The following ATF7 variants were observed in gnomAD, a reference collection of about 807,000 sequenced individuals.
The protein encoded by ATF7 is cyclic AMP-dependent transcription factor ATF-7.
Under a neutral mutation model 50.4 loss-of-function variants are expected in ATF7, and 10 were observed. The ratio of observed to expected loss-of-function variants is 0.20; its 90% CI spans 0.12 to 0.34. The LOEUF is 0.34. ATF7 is among the 10% of genes least tolerant of loss of function. ATF7 has a pLI of 1.00. For missense variants in ATF7, 465 were observed against 613.9 expected (o/e 0.76, Z 2.56); for synonymous variants, 201 against 226.4 (o/e 0.89, Z 1.01).
At chr12:53,550,682 T>C (rs1325238512) in intron 3 of ATF7, among the ~76,000 whole-genome samples, 1 of 152,180 alleles carries the variant, frequency 6.6e-6, no homozygotes, top group Non-Finnish European at 1.5e-5. Flanking sequence ...GTTCAGTCAT[T>C]GACATAAAGA....
chr12:53,514,690 A>G lies in ATF7; in HGVS notation c.*2447T>C, dbSNP rs1250823622. On this transcript the variant is annotated 3_prime_UTR_variant, in exon 12 of 12. Coordinates refer to ENST00000420353, the MANE Select transcript of ATF7 (RefSeq NM_006856.3). ...TCCCACTGATAAAAATGAAGTTAGG[A>G]CTAGATAATTAGTCATGGGGGCTAA... 6.6e-6 allele frequency: 1 copy of G among 152,116 alleles called. No homozygotes were observed. The highest frequency in any genetic ancestry group is 1.5e-5 in the Non-Finnish European group (1 of 68,012). 9.4% of individuals were successfully genotyped at this position (152,116 alleles called of 1,614,324 possible).
intron 3 of ATF7, among the ~76,000 whole-genome samples, chr12:53,546,435 G>T (rs913483429): frequency 2.7e-5 from 4 of 148,734 alleles, no homozygotes; most frequent in African/African-American, 9.9e-5. Context: ...AAATTAAGAT[G>T]ATGTTTTCTT....
rs190557257 is a variant in ATF7, at chr12:53,597,283, A to G, written c.48+3670T>C. 1.2e-3 allele frequency among the ~76,000 whole-genome samples: 186 copies of G among 152,282 alleles called. 1 individual carries two copies. The highest frequency in any genetic ancestry group is 4.5e-3 in the Admixed American group (69 of 15,300). Reference sequence around the variant, plus strand: ...ATCATGAACAGAATCCAAAAATAACAGCCATTAAAGACCTAGCAACCAAAA... The same window carrying G: ...ATCATGAACAGAATCCAAAAATAACGGCCATTAAAGACCTAGCAACCAAAA... On this transcript the variant is annotated intron_variant, in intron 2 of 11. Coordinates refer to ENST00000420353, the MANE Select transcript of ATF7 (RefSeq NM_006856.3).
chr12:53,519,334 T>C (rs772774736), intron 11 of ATF7, among the ~76,000 whole-genome samples: 17 of 152,174 alleles, frequency 1.1e-4, no homozygotes, highest in Non-Finnish European at 1.9e-4. Flanking sequence ...AGTGACAGTG[T>C]CTTATTCATC....
In ATF7 at chr12:53,574,918, A is replaced by G. The variant is rs566110526; in HGVS notation, c.49-22281T>C. The G allele has an allele frequency of 1.4e-4, 43 of 302,018 alleles. 1 individual carries two copies. In the East Asian group the frequency reaches 3.6e-3, roughly 25 times the overall value. The allele number at this position is 302,018 out of a possible 1,614,324, so 18.7% of individuals were successfully genotyped here. A position where few individuals can be genotyped will look rare whatever the true frequency, so the allele number is the denominator to read the frequency against. On this transcript the variant is annotated intron_variant, in intron 2 of 11. Transcript: ENST00000420353. ...AGGGTGAGCAAGACTTTAGTCAGAAAATAAAGTTACTCTTTCTTGCCATTG... is the reference window on the plus strand; with the variant it reads ...AGGGTGAGCAAGACTTTAGTCAGAAGATAAAGTTACTCTTTCTTGCCATTG...
chr12:53,536,158 A>G (rs972808707), intron 5 of ATF7, among the ~76,000 whole-genome samples: 2 of 152,124 alleles, frequency 1.3e-5, no homozygotes, highest in African/African-American at 4.8e-5. Flanking sequence ...GAGTTCTATC[A>G]TTGTCAAACA....
intron 2 of ATF7, among the ~76,000 whole-genome samples, chr12:53,578,263 A>T (rs1942207345): frequency 6.7e-6 from 1 of 148,408 alleles, no homozygotes; most frequent in African/African-American, 2.5e-5. Flanking sequence ...AGTCCTAGCT[A>T]TTTGGGAGGC....
intron 8 of ATF7, 67 bp from the exon 9 acceptor site, chr12:53,531,963 C>G: frequency 6.4e-7 from 1 of 1,564,812 alleles, no homozygotes; most frequent in South Asian, 1.2e-5. Flanking sequence ...GAAGAGTGGC[C>G]TTAGATTTTA....
At chr12:53,535,655 T>TTAAAAA (rs1939177624) in intron 5 of ATF7, among the ~76,000 whole-genome samples, 1 of 152,206 alleles carries the variant, frequency 6.6e-6, no homozygotes. Flanking sequence ...AATAAATGTA[T>TTAAAAA]TAAAAATAGT....
At chr12:53,558,594 G>A (rs897096334) in intron 2 of ATF7, among the ~76,000 whole-genome samples, 1 of 152,148 alleles carries the variant, frequency 6.6e-6, no homozygotes, top group Non-Finnish European at 1.5e-5. Context: ...CACTGTATTT[G>A]GGAGAACAGA....
chr12:53,588,402 A>G (rs1310492790), intron 2 of ATF7, among the ~76,000 whole-genome samples: 2 of 152,242 alleles, frequency 1.3e-5, no homozygotes, highest in Non-Finnish European at 2.9e-5. Flanking sequence ...CAAAAATGTC[A>G]GAGAATAAGC....
At position 53,514,470 on chromosome 12, in the gene ATF7, A is replaced by G. The variant is rs991203983; in HGVS notation, c.*2667T>C. The G allele has an allele frequency of 2.0e-5, 3 of 152,216 alleles. No homozygotes were observed. Among genetic ancestry groups the G allele is most frequent in the Admixed American group, 1.3e-4 (2 of 15,282 alleles). 9.4% of individuals were successfully genotyped at this position (152,216 alleles called of 1,614,324 possible). A position where few individuals can be genotyped will look rare whatever the true frequency, so the allele number is the denominator to read the frequency against. ...TGGGGAGAGTGACCACATGGCTGGTAGCAATAACAAGGTAAGTGAAGTTAC... is the reference window on the plus strand; with the variant it reads ...TGGGGAGAGTGACCACATGGCTGGTGGCAATAACAAGGTAAGTGAAGTTAC... On this transcript the variant is annotated 3_prime_UTR_variant, in exon 12 of 12. Transcript: ENST00000420353.
chr12:53,563,868 A>C (rs1941292900), intron 2 of ATF7, among the ~76,000 whole-genome samples: 1 of 152,218 alleles, frequency 6.6e-6, no homozygotes, highest in Admixed American at 6.5e-5. Flanking sequence ...TTGCAAAGTA[A>C]ATTTCACTGT....
chr12:53,577,848 A>G (rs1185823626), intron 2 of ATF7, among the ~76,000 whole-genome samples: 4 of 152,196 alleles, frequency 2.6e-5, no homozygotes, highest in Non-Finnish European at 5.9e-5. Flanking sequence ...CATAAGAACA[A>G]TAAGCAGGCT....
chr12:53,537,932 G>A (rs903550740), intron 4 of ATF7, among the ~76,000 whole-genome samples: 3 of 151,902 alleles, frequency 2.0e-5, no homozygotes, highest in Non-Finnish European at 2.9e-5. Context: ...GGCTGATCTC[G>A]AACTCCCGAC....
chr12:53,518,499 C>G lies in ATF7; in HGVS notation c.1235-1145G>C, dbSNP rs12830832. On this transcript the variant is annotated intron_variant, in intron 11 of 11. Transcript: ENST00000420353. ...TTTTAGAGGGTCTCACTCTGTCACCCAGGCTGGAGGTGCCATGGCACAATC... is the reference window on the plus strand; with the variant it reads ...TTTTAGAGGGTCTCACTCTGTCACCGAGGCTGGAGGTGCCATGGCACAATC... 8.4e-3 allele frequency among the ~76,000 whole-genome samples: 1,278 copies of G among 152,324 alleles called. 19 individuals are homozygous for G. Among genetic ancestry groups the G allele is most frequent in the African/African-American group, 0.03 (1,236 of 41,556 alleles).
intron 1 of ATF7, among the ~76,000 whole-genome samples, chr12:53,625,641 T>C (rs1421438925): frequency 6.6e-6 from 1 of 152,224 alleles, no homozygotes; most frequent in African/African-American, 2.4e-5. Context: ...CAAAATGCCA[T>C]GACCCTCATT....
chr12:53,563,848 C>G (rs1050575737), intron 2 of ATF7, among the ~76,000 whole-genome samples: 1 of 152,194 alleles, frequency 6.6e-6, no homozygotes, highest in Non-Finnish European at 1.5e-5. Context: ...TGATGGCTTT[C>G]CAACTCCATT....
At chr12:53,525,959 C>A (rs1938426673) in intron 9 of ATF7, among the ~76,000 whole-genome samples, 1 of 152,146 alleles carries the variant, frequency 6.6e-6, no homozygotes, top group Non-Finnish European at 1.5e-5. Context: ...GCCTGTAATC[C>A]CAGCACTTTG....
Sources: gnomAD v4.1 joint callset for allele counts (sites outside exome capture counted in the v4.1 genomes callset) on GRCh38, gnomAD v4.1.1 for gene constraint, MANE v1.5 for transcripts, NCBI Gene and HGNC (gene_info 2026-07-23, HGNC 2026-07-21) for gene names.